CELF6: variants seen among roughly 807,000 people sequenced by gnomAD.
CELF6 encodes CUGBP Elav-like family member 6.
Under a neutral mutation model 53.1 loss-of-function variants are expected in CELF6, and 32 were observed. That is an observed-to-expected ratio of 0.60 (90% confidence interval 0.46 to 0.81). The LOEUF is 0.81. CELF6 is among the 30% of genes least tolerant of loss of function. The pLI, the probability that CELF6 is intolerant of heterozygous loss-of-function variation, is 0.00. For synonymous variants in CELF6, 291 were observed against 288.8 expected (o/e 1.01, Z -0.08); for missense variants, 539 against 669.5 (o/e 0.81, Z 2.15).
At chr15:72,295,648 C>T (rs1271722014) in intron 3 of CELF6, among the ~76,000 whole-genome samples, 2 of 149,974 alleles carry the variant, frequency 1.3e-5, no homozygotes, top group East Asian at 3.9e-4. Flanking sequence ...ATTGCTTGAA[C>T]CCAGGATGCA....
intron 12 of CELF6, 83 bp downstream of exon 12, chr15:72,287,154 C>T: frequency 7.4e-7 from 1 of 1,359,816 alleles, no homozygotes; most frequent in South Asian, 1.4e-5. Context: ...TGGGTGCCTC[C>T]AAGGTCCCAA....
chr15:72,294,804 C>G (rs142380598), intron 3 of CELF6, among the ~76,000 whole-genome samples: 6 of 150,918 alleles, frequency 4.0e-5, no homozygotes, highest in African/African-American at 1.5e-4. Context: ...ATAGTGAAAC[C>G]CTGTCTCTAC....
intron 3 of CELF6, among the ~76,000 whole-genome samples, chr15:72,293,842 G>A (rs149110229): frequency 9.1e-4 from 138 of 152,064 alleles, no homozygotes; most frequent in African/African-American, 2.9e-3. Context: ...ATAGGTGCAC[G>A]CCACCATGCC....
chr15:72,296,002 C>T lies in CELF6; in HGVS notation c.395-5747G>A, dbSNP rs147876707. Among the ~76,000 whole-genome samples, 331 of 152,182 alleles carry T rather than the reference C, an allele frequency of 2.2e-3. 1 individual carries two copies. The highest frequency in any genetic ancestry group is 4.2e-3 in the Non-Finnish European group (288 of 68,012). ...AAACATATTACACAGCTATAGTAATCGGCACTATGGTACTGGCATAAAGAT... is the reference window on the plus strand; with the variant it reads ...AAACATATTACACAGCTATAGTAATTGGCACTATGGTACTGGCATAAAGAT... On this transcript the variant is annotated intron_variant, in intron 3 of 12. Transcript: ENST00000287202.
intron 3 of CELF6, among the ~76,000 whole-genome samples, chr15:72,292,755 C>T (rs985685329): frequency 6.6e-6 from 1 of 152,208 alleles, no homozygotes; most frequent in African/African-American, 2.4e-5. Context: ...CAGCAGGGCG[C>T]AGTGGCTCAC....
chr15:72,304,311 G>C (rs1416449634), intron 3 of CELF6, among the ~76,000 whole-genome samples: 2 of 152,124 alleles, frequency 1.3e-5, no homozygotes, highest in Non-Finnish European at 2.9e-5. Context: ...ACCATGAGCA[G>C]CTAGGCAATT....
intron 3 of CELF6, 37 bp downstream of exon 3, chr15:72,304,709 G>A (rs763018681): frequency 5.0e-6 from 8 of 1,603,944 alleles, no homozygotes; most frequent in Middle Eastern, 1.7e-4. Flanking sequence ...TCCCTTACAC[G>A]GGTTGCAGCC....
At chr15:72,295,319 G>C (rs1401418341) in intron 3 of CELF6, among the ~76,000 whole-genome samples, 1 of 152,152 alleles carries the variant, frequency 6.6e-6, no homozygotes, top group African/African-American at 2.4e-5. Context: ...CTGGGTGACA[G>C]AGTAAGACTG....
At chr15:72,297,103 A>G (rs2088090600) in intron 3 of CELF6, among the ~76,000 whole-genome samples, 1 of 152,194 alleles carries the variant, frequency 6.6e-6, no homozygotes, top group Non-Finnish European at 1.5e-5. Context: ...GCTAATTAAC[A>G]TATTCTTCAC....
Position 72,319,489 on chromosome 15 carries a change from G to T in CELF6, c.262+124C>A, listed in dbSNP as rs569019555. The T allele has an allele frequency of 1.7e-5, 18 of 1,065,366 alleles. No homozygotes were observed. Among genetic ancestry groups the T allele is most frequent in the Non-Finnish European group, 2.2e-5 (17 of 760,648 alleles). The allele number at this position is 1,065,366 out of a possible 1,614,324, so 66.0% of individuals were successfully genotyped here. A position where few individuals can be genotyped will look rare whatever the true frequency, so the allele number is the denominator to read the frequency against. ...TGATCTGGGAAGGGGGCTGGGCTGA[G>T]GTGGGGCTGATATTGGACTGGTGTT... On this transcript the variant is annotated intron_variant, in intron 1 of 12. Coordinates refer to ENST00000287202, the MANE Select transcript of CELF6 (RefSeq NM_052840.5). This position sits in a 1 kb window ranked among gnomAD's most constrained non-coding sequence, Gnocchi z 5.0.
chr15:72,306,056 G>A (rs780546080), intron 2 of CELF6: 100 of 983,146 alleles, frequency 1.0e-4, no homozygotes, highest in Admixed American at 6.2e-5. Context: ...ATTTGAAAAC[G>A]CTCCTAGGTG....
intron 1 of CELF6, among the ~76,000 whole-genome samples, chr15:72,317,799 C>T (rs960377484): frequency 4.6e-5 from 7 of 152,198 alleles, no homozygotes; most frequent in Admixed American, 1.3e-4. Context: ...GACGTCCAAA[C>T]CGGGCAGGTT....
rs1395150523 is a variant in CELF6, at chr15:72,289,451, C to T, written c.804G>A (p.Pro268=). 5.2e-6 allele frequency: 8 copies of T among 1,540,640 alleles called. No homozygotes were observed. Among genetic ancestry groups the T allele is most frequent in the East Asian group, 2.4e-5 (1 of 41,476 alleles). ...GCATCTGGGCCGCCACTGCCGCCAC[C>T]GGGCCTAGGCCTGGGCCCTGTGCCG... is the stretch of plus-strand genomic sequence containing the variant. The part of the protein sequence containing the change: ...LAAAQGPGLG[P]VAAVAAQMQH... The change falls in exon 7 of 13, where the codon CCG becomes CCA. Residue 268 remains proline, a synonymous_variant. Transcript: ENST00000287202. The surrounding 1 kb of genome is among the most constrained non-coding windows in gnomAD (Gnocchi z 7.6).
chr15:72,311,405 CTTTTT>C (rs531976963), intron 2 of CELF6, among the ~76,000 whole-genome samples: 1 of 138,592 alleles, frequency 7.2e-6, no homozygotes, highest in Non-Finnish European at 1.6e-5. Context: ...CACCTTTTTT[CTTTTT>C]TTTTTTTTTT....
rs984879836 is a variant in CELF6 at position 72,314,589 on chromosome 15, G to GTTTTTTTTTTTTTTTTTTTTTT, written c.345+1234_345+1255dup. ...AGGTCTGTGAGACTCAAAACCCAGT[G>GTTTTTTTTTTTTTTTTTTTTTT]TTTTTTTTTTTTTTTTTTTTTTTGA... On this transcript the variant is annotated intron_variant, in intron 2 of 12. Coordinates refer to ENST00000287202, the MANE Select transcript of CELF6 (RefSeq NM_052840.5). Among the ~76,000 whole-genome samples the GTTTTTTTTTTTTTTTTTTTTTT allele has an allele frequency of 5.1e-5, 5 of 97,844 alleles. 1 individual carries two copies. The highest frequency in any genetic ancestry group is 1.9e-4 in the African/African-American group (4 of 20,712). The allele number at this position is 97,844 out of a possible 152,430, so 64.2% of individuals were successfully genotyped here. A position where few individuals can be genotyped will look rare whatever the true frequency, so the allele number is the denominator to read the frequency against.
intron 2 of CELF6, among the ~76,000 whole-genome samples, chr15:72,309,512 T>G (rs992202211): frequency 5.3e-5 from 8 of 151,968 alleles, no homozygotes; most frequent in Non-Finnish European, 1.2e-4. Flanking sequence ...TTTGGGAGTT[T>G]GGGGGTACAA....
Position 72,289,688 on chromosome 15 carries a change from TG to T in CELF6, c.685del (p.His229ThrfsTer12). On this transcript the variant is annotated frameshift_variant, in exon 6 of 13. Coordinates refer to ENST00000287202, the MANE Select transcript of CELF6 (RefSeq NM_052840.5). LOFTEE classifies it high-confidence loss of function. This position sits in a 1 kb window ranked among gnomAD's most constrained non-coding sequence, Gnocchi z 7.6. Reference protein sequence around the residue: ...ALRRMQQMAGHLGAFHPAPLP... With the variant: ...ALRRMQQMAGXLGAFHPAPLP... ...TGGCGCGGGGTGGAAGGCGCCCAGG[TG>T]GCCGGCCATCTGCTGCATCCGCCGC... The T allele has an allele frequency of 6.7e-7, 1 of 1,488,704 alleles. No individual in the cohort carries two copies. The highest frequency in any genetic ancestry group is 8.9e-7 in the Non-Finnish European group (1 of 1,129,254). 92.2% of individuals were successfully genotyped at this position (1,488,704 alleles called of 1,614,324 possible).
intron 3 of CELF6, among the ~76,000 whole-genome samples, chr15:72,297,898 A>G (rs1275783450): frequency 6.6e-6 from 1 of 152,246 alleles, no homozygotes; most frequent in Non-Finnish European, 1.5e-5. Flanking sequence ...GCTCTGAGCC[A>G]AGCCTAAGGA....
chr15:72,287,102 C>A, intron 12 of CELF6, 135 bp downstream of exon 12: 1 of 741,606 alleles, frequency 1.3e-6, no homozygotes, highest in African/African-American at 1.7e-5. Context: ...AGGTTTCCTC[C>A]TAGCTCCTGG....
Sources: gnomAD v4.1 joint callset for allele counts (sites outside exome capture counted in the v4.1 genomes callset) on GRCh38, gnomAD v4.1.1 for gene constraint, Gnocchi (gnomAD v3.1) non-coding constraint, MANE v1.5 for transcripts, NCBI Gene and HGNC (gene_info 2026-07-23, HGNC 2026-07-21) for gene names.